SEMA3C: variants seen among roughly 807,000 people sequenced by gnomAD.
SEMA3C encodes the protein semaphorin-3C.
SEMA3C carries 47 observed loss-of-function variants against 89.4 expected under a neutral mutation model. The observed-to-expected ratio is 0.53, with a 90% confidence interval of 0.42 to 0.67. The LOEUF (loss-of-function observed/expected upper bound fraction) is 0.67, where lower values mean the gene tolerates loss of function less well. Among genes scored for constraint, SEMA3C ranks in the 30% least tolerant of loss-of-function variants. SEMA3C has a pLI of 0.00. For missense variants in SEMA3C, 839 were observed against 929.1 expected, an observed-to-expected ratio of 0.90 and a Z score of 1.26; for synonymous variants, 310 against 320.2, an observed-to-expected ratio of 0.97 and a Z score of 0.34.
chr7:80,754,086 C>A (rs184189990), intron 15 of SEMA3C, among the ~76,000 whole-genome samples: 1 of 152,054 alleles, frequency 6.6e-6, no homozygotes, highest in Non-Finnish European at 1.5e-5. Context: ...TACAGGCATG[C>A]GCCACCATGC....
At chr7:80,808,774 T>C (rs1789399636) in intron 6 of SEMA3C, among the ~76,000 whole-genome samples, 1 of 152,116 alleles carries the variant, frequency 6.6e-6, no homozygotes, top group South Asian at 2.1e-4. Flanking sequence ...TGTTACTTGG[T>C]CAACACATGA....
At chr7:80,921,602 G>A (rs978392629), upstream of SEMA3C, among the ~76,000 whole-genome samples, 3 of 152,100 alleles carry the variant, frequency 2.0e-5, no homozygotes, top group Non-Finnish European at 4.4e-5. Flanking sequence ...CGCTGTTTTC[G>A]GTAAGGGGGA....
At chr7:80,817,892 C>T (rs1424085933) in intron 5 of SEMA3C, among the ~76,000 whole-genome samples, 1 of 152,030 alleles carries the variant, frequency 6.6e-6, no homozygotes, top group Admixed American at 6.6e-5. Context: ...GTTTATGCTA[C>T]AATATTTCTA....
intron 2 of SEMA3C, among the ~76,000 whole-genome samples, chr7:80,846,458 G>C (rs1251343540): frequency 1.3e-5 from 2 of 152,088 alleles, no homozygotes; most frequent in African/African-American, 4.8e-5. Flanking sequence ...CTGGGCTCAG[G>C]GGATCATCCC....
At chr7:80,799,343 C>A (rs1414934520) in intron 10 of SEMA3C, among the ~76,000 whole-genome samples, 1 of 152,018 alleles carries the variant, frequency 6.6e-6, no homozygotes, top group Admixed American at 6.5e-5. Context: ...ATTGTCTAAT[C>A]AAAGGGACCC....
At chr7:80,810,517 T>C (rs968404050) in intron 6 of SEMA3C, 94 bp downstream of exon 6, 1 of 872,288 alleles carries the variant, frequency 1.1e-6, no homozygotes, top group South Asian at 1.5e-5. Flanking sequence ...TCACATACTA[T>C]CATCCACACA....
intron 2 of SEMA3C, among the ~76,000 whole-genome samples, chr7:80,882,550 A>T (rs756394445): frequency 2.7e-5 from 4 of 150,882 alleles, no homozygotes; most frequent in Non-Finnish European, 4.4e-5. Context: ...GTATTCACTG[A>T]GCATTTGGTG....
chr7:80,910,799 T>A (rs533038173), intron 2 of SEMA3C, among the ~76,000 whole-genome samples: 43 of 151,930 alleles, frequency 2.8e-4, no homozygotes, highest in Non-Finnish European at 5.4e-4. Flanking sequence ...AAAAATTGAG[T>A]GTGTCTCGGT....
intron 12 of SEMA3C, among the ~76,000 whole-genome samples, chr7:80,778,165 T>A (rs780423039): frequency 1.3e-5 from 2 of 152,212 alleles, no homozygotes; most frequent in African/African-American, 2.4e-5. Context: ...AATATTCACA[T>A]AGGGCCTCAG....
At chr7:80,776,011 G>C (rs1354269894) in intron 12 of SEMA3C, among the ~76,000 whole-genome samples, 1 of 151,396 alleles carries the variant, frequency 6.6e-6, no homozygotes. Flanking sequence ...TAAAATGATG[G>C]AGTATACATC....
chr7:80,913,126 C>T lies in SEMA3C; in HGVS notation c.103+3553G>A, dbSNP rs112303349. 5.8e-3 allele frequency among the ~76,000 whole-genome samples: 886 copies of T among 152,282 alleles called. 8 individuals carry two copies. The highest frequency in any genetic ancestry group is 0.02 in the African/African-American group (842 of 41,548). The stretch of plus-strand genomic sequence containing the variant: ...AGTAAATAAATAAAACAGGGCCAGG[C>T]GCAGTGGCTCACGCCTGTAATGTCA... On this transcript the variant is annotated intron_variant, in intron 2 of 17. Coordinates refer to ENST00000265361, the MANE Select transcript of SEMA3C (RefSeq NM_006379.5).
At chr7:80,894,482 C>T (rs765916808) in intron 2 of SEMA3C, among the ~76,000 whole-genome samples, 1 of 151,968 alleles carries the variant, frequency 6.6e-6, no homozygotes, top group Non-Finnish European at 1.5e-5. Flanking sequence ...CATGTTTCTA[C>T]AAAAAAATTT....
At chr7:80,900,315 A>G (rs1791847183) in intron 2 of SEMA3C, among the ~76,000 whole-genome samples, 2 of 151,992 alleles carry the variant, frequency 1.3e-5, no homozygotes. Flanking sequence ...GGGTTTCAAC[A>G]TGTTAGCTAG....
intron 12 of SEMA3C, among the ~76,000 whole-genome samples, chr7:80,785,051 T>A (rs1019895262): frequency 6.6e-6 from 1 of 152,196 alleles, no homozygotes; most frequent in Admixed American, 6.5e-5. Context: ...CTTTTCTTTT[T>A]AAATTAATTA....
At chr7:80,771,287 T>C (rs572500832) in intron 12 of SEMA3C, among the ~76,000 whole-genome samples, 2 of 152,328 alleles carry the variant, frequency 1.3e-5, no homozygotes, top group East Asian at 1.9e-4. Context: ...GTACAGATAA[T>C]AGAGATACTC....
intron 2 of SEMA3C, among the ~76,000 whole-genome samples, chr7:80,864,575 TAAAG>T (rs769475259): frequency 6.6e-6 from 1 of 151,376 alleles, no homozygotes; most frequent in Admixed American, 6.6e-5. Context: ...AAGAAAAAAA[TAAAG>T]AAAAACAAAA....
intron 11 of SEMA3C, among the ~76,000 whole-genome samples, chr7:80,797,847 A>G (rs1789102228): frequency 6.6e-6 from 1 of 152,056 alleles, no homozygotes; most frequent in African/African-American, 2.4e-5. Context: ...AAAACACAAA[A>G]ATTAGCCGGG....
intron 12 of SEMA3C, among the ~76,000 whole-genome samples, chr7:80,783,760 C>G (rs2092684341): frequency 6.6e-6 from 1 of 152,196 alleles, no homozygotes; most frequent in South Asian, 2.1e-4. Flanking sequence ...TGCTACAAGG[C>G]AAGCATTTTA....
intron 2 of SEMA3C, among the ~76,000 whole-genome samples, chr7:80,849,037 C>A (rs951942271): frequency 6.6e-6 from 1 of 152,090 alleles, no homozygotes; most frequent in African/African-American, 2.4e-5. Flanking sequence ...CGTTTCTTAA[C>A]GCAAGAGATT....
Sources: gnomAD v4.1 joint callset for allele counts (sites outside exome capture counted in the v4.1 genomes callset) on GRCh38, gnomAD v4.1.1 for gene constraint, MANE v1.5 for transcripts, NCBI Gene and HGNC (gene_info 2026-07-23, HGNC 2026-07-21) for gene names.